MGAM2: variants seen among roughly 807,000 people sequenced by gnomAD.
The protein encoded by MGAM2 is maltase-glucoamylase 2 (putative), also known as probable maltase-glucoamylase 2.
A neutral mutation model predicts 96.1 loss-of-function variants in MGAM2; 98 were observed. That is an observed-to-expected ratio of 1.02 (90% CI 0.87 to 1.21). The LOEUF (loss-of-function observed/expected upper bound fraction) is 1.21, where lower values mean the gene tolerates loss of function less well. MGAM2 is among the 50% of genes most tolerant of loss of function. The probability of loss-of-function intolerance (pLI) is 0.00; values close to 1 mark genes in which losing one functional copy is unlikely to be tolerated. For missense variants in MGAM2, 2,055 were observed against 1,182.4 expected (o/e 1.74, Z -10.82); for synonymous variants, 749 against 414.8 (o/e 1.81, Z -9.79).
chr7:142,175,804 C>A (rs1158618058), intron 32 of MGAM2, 24 bp downstream of exon 32: 1 of 697,878 alleles, frequency 1.4e-6, no homozygotes, highest in South Asian at 1.5e-5. Flanking sequence ...CAGATCAGAT[C>A]CTACTTTCTG....
chr7:142,130,683 T>A (rs1044869300), intron 3 of MGAM2, among the ~76,000 whole-genome samples: 1 of 152,210 alleles, frequency 6.6e-6, no homozygotes, highest in African/African-American at 2.4e-5. Flanking sequence ...TTCCTAATTG[T>A]ATGGATTTGC....
chr7:142,167,612 A>T, intron 26 of MGAM2, 126 bp downstream of exon 26: 1 of 627,840 alleles, frequency 1.6e-6, no homozygotes, highest in East Asian at 2.7e-5. Flanking sequence ...TCCCACTGAC[A>T]CCCAGGCTGG....
At chr7:142,122,502 A>G (rs1794607903) in intron 3 of MGAM2, among the ~76,000 whole-genome samples, 1 of 152,256 alleles carries the variant, frequency 6.6e-6, no homozygotes, top group Non-Finnish European at 1.5e-5. Flanking sequence ...AAGTTATCTT[A>G]TGACATTTCC....
intron 31 of MGAM2, among the ~76,000 whole-genome samples, chr7:142,175,146 A>G (rs1406541511): frequency 6.6e-6 from 1 of 152,170 alleles, no homozygotes; most frequent in Non-Finnish European, 1.5e-5. Context: ...GCTTTTGCTC[A>G]TTCAGTATGA....
At chr7:142,168,549 C>T (rs1796097445) in intron 26 of MGAM2, among the ~76,000 whole-genome samples, 3 of 152,130 alleles carry the variant, frequency 2.0e-5, no homozygotes, top group East Asian at 1.9e-4. Flanking sequence ...GGATTACAGG[C>T]GTGAGCCACC....
At chr7:142,143,928 G>A (rs760778426) in intron 13 of MGAM2, 46 bp downstream of exon 13, 29 of 698,602 alleles carry the variant, frequency 4.2e-5, no homozygotes, top group East Asian at 1.9e-4. Flanking sequence ...AACAGATAAC[G>A]CCAAATTTTC....
chr7:142,158,287 G>T lies in MGAM2; in HGVS notation c.2118G>T (p.Gln706His). ...CAGCCACGTGGGATGTGCATGAGCA[G>T]TTCTTATGGGGACCTGGACTCCTCA... ...QDSATWDVHE[Q>H]FLWGPGLLIT... is the part of the protein sequence containing the mutation. The change falls in exon 19 of 48, where the codon CAG (glutamine) becomes CAT (histidine). Residue 706 changes from glutamine (Q) to histidine (H), a missense_variant. By Grantham distance (24) the Gln-to-His change is conservative. Transcript: ENST00000477922. 1.4e-6 allele frequency: 1 copy of T among 702,954 alleles called. No individual in the cohort carries two copies. The highest frequency in any genetic ancestry group is 1.7e-5 in the African/African-American group (1 of 57,348). 43.5% of individuals were successfully genotyped at this position (702,954 alleles called of 1,614,324 possible).
Position 142,185,116 on chromosome 7 carries a change from C to T in MGAM2, c.3964C>T (p.Leu1322Phe), listed in dbSNP as rs1208607656. 1 of 702,930 alleles carries T rather than the reference C, an allele frequency of 1.4e-6. No individual in the cohort carries two copies. Among genetic ancestry groups the T allele is most frequent in the Non-Finnish European group, 2.6e-6 (1 of 384,938 alleles). 43.5% of individuals were successfully genotyped at this position (702,930 alleles called of 1,614,324 possible). A position where few individuals can be genotyped will look rare whatever the true frequency, so the allele number is the denominator to read the frequency against. The change falls in exon 34 of 48, where the codon CTT (leucine) becomes TTT (phenylalanine). Residue 1322 changes from leucine (L) to phenylalanine (F), a missense_variant. By Grantham distance (22) the Leu-to-Phe change is conservative. Transcript: ENST00000477922. ...GCCTAATGTAATTGTAGATGGATCC[C>T]TTGACCATGAAACTCAGGTTAAGGT... ...DLPNVIVDGS[L>F]DHETQVKLYR...
chr7:142,185,358 T>C (rs1468093198), intron 34 of MGAM2, among the ~76,000 whole-genome samples: 1 of 152,188 alleles, frequency 6.6e-6, no homozygotes, highest in Non-Finnish European at 1.5e-5. Flanking sequence ...TGAAATCCTC[T>C]CATAAGTGTG....
Position 142,154,801 on chromosome 7 carries a change from G to A in MGAM2, c.1879G>A (p.Ala627Thr). Residue 627 changes from alanine to threonine, a missense_variant, in exon 17 of 48, where the codon GCA (alanine) becomes ACA (threonine). Coordinates refer to ENST00000477922, the MANE Select transcript of MGAM2 (RefSeq NM_001293626.2). The stretch of plus-strand genomic sequence containing the variant: ...CTGCAGAAGGTGGATGCAGCTTGGA[G>A]CATTTTATCCACTACCAAGGAATCA... ...ELCRRWMQLG[A>T]FYPLPRNHNG... 1 of 703,550 alleles carries A rather than the reference G, an allele frequency of 1.4e-6. No homozygotes were observed. The highest frequency in any genetic ancestry group is 2.7e-5 in the East Asian group (1 of 37,288). The allele number at this position is 703,550 out of a possible 1,614,324, so 43.6% of individuals were successfully genotyped here. A position where few individuals can be genotyped will look rare whatever the true frequency, so the allele number is the denominator to read the frequency against.
chr7:142,122,945 T>C (rs1326289819), intron 3 of MGAM2, among the ~76,000 whole-genome samples: 6 of 152,130 alleles, frequency 3.9e-5, no homozygotes, highest in African/African-American at 9.7e-5. Flanking sequence ...TTCTCCTGCC[T>C]CAGCCTTCTG....
intron 7 of MGAM2, among the ~76,000 whole-genome samples, chr7:142,134,514 T>C (rs1794997216): frequency 6.6e-6 from 1 of 152,142 alleles, no homozygotes; most frequent in Admixed American, 6.6e-5. Context: ...TCAGTAGAAC[T>C]TGGTGGACTA....
At chr7:142,189,050 A>T (rs1359397504) in intron 36 of MGAM2, among the ~76,000 whole-genome samples, 1 of 152,256 alleles carries the variant, frequency 6.6e-6, no homozygotes, top group Admixed American at 6.5e-5. Flanking sequence ...GAACATTACC[A>T]TCTAGTGGAA....
rs183259371 is a variant in MGAM2 at position 142,115,774 on chromosome 7, G to T, written c.1-1100G>T. Reference sequence around the variant, plus strand: ...GCAGGAGAATTGGGTGAACCCAGGAGGCAGATGTTTCGGTGAGGCGAGATC... The same window carrying T: ...GCAGGAGAATTGGGTGAACCCAGGATGCAGATGTTTCGGTGAGGCGAGATC... On this transcript the variant is annotated intron_variant, in intron 1 of 47. Transcript: ENST00000477922. Among the ~76,000 whole-genome samples the T allele has an allele frequency of 7.6e-3, 1,158 of 152,298 alleles. 6 individuals are homozygous for T. Among genetic ancestry groups the T allele is most frequent in the Non-Finnish European group, 0.011 (738 of 68,020 alleles).
At chr7:142,152,555 A>ATTTT (rs1795611797) in intron 15 of MGAM2, among the ~76,000 whole-genome samples, 1 of 152,220 alleles carries the variant, frequency 6.6e-6, no homozygotes, top group Admixed American at 6.5e-5. Context: ...CAAACTTCCC[A>ATTTT]GGAAAATGAA....
At chr7:142,143,677 C>A (rs948026916) in intron 12 of MGAM2, 92 bp from the exon 13 acceptor site, 2 of 455,036 alleles carry the variant, frequency 4.4e-6, no homozygotes, top group East Asian at 3.1e-5. Context: ...AAAATGACAG[C>A]AAAATGAGGC....
At chr7:142,201,709 T>G (rs1325325156) in intron 45 of MGAM2, among the ~76,000 whole-genome samples, 1 of 152,222 alleles carries the variant, frequency 6.6e-6, no homozygotes, top group Non-Finnish European at 1.5e-5. Context: ...CTTGTTACTA[T>G]TTTGTAAACA....
intron 26 of MGAM2, among the ~76,000 whole-genome samples, chr7:142,169,125 C>T (rs923222681): frequency 4.6e-5 from 7 of 152,164 alleles, no homozygotes; most frequent in East Asian, 1.9e-4. Flanking sequence ...AATTTCCAAG[C>T]AGGACTTTAG....
intron 15 of MGAM2, among the ~76,000 whole-genome samples, chr7:142,151,070 T>C (rs749755415): frequency 6.6e-6 from 1 of 152,216 alleles, no homozygotes; most frequent in African/African-American, 2.4e-5. Flanking sequence ...ATGCTTAGTA[T>C]GCAAAAAACA....
Sources: gnomAD v4.1 joint callset for allele counts (sites outside exome capture counted in the v4.1 genomes callset) on GRCh38, gnomAD v4.1.1 for gene constraint, MANE v1.5 for transcripts, NCBI Gene and HGNC (gene_info 2026-07-23, HGNC 2026-07-21) for gene names.